PDAP1: variants seen among roughly 807,000 people sequenced by gnomAD.
The protein encoded by PDAP1 is PDGFA associated protein 1.
In PDAP1, 13 loss-of-function variants were observed where a neutral mutation model predicts 28.0. The observed-to-expected ratio is 0.46, with a 90% CI of 0.30 to 0.74. The LOEUF (loss-of-function observed/expected upper bound fraction) is 0.74, where lower values mean the gene tolerates loss of function less well. PDAP1 is among the 30% of genes least tolerant of loss of function. The probability of loss-of-function intolerance (pLI) is 0.07; values close to 1 mark genes in which losing one functional copy is unlikely to be tolerated. For missense variants in PDAP1, 150 were observed against 230.0 expected (o/e 0.65, Z 2.25); for synonymous variants, 77 against 85.1 (o/e 0.91, Z 0.52).
intron 3 of PDAP1, among the ~76,000 whole-genome samples, chr7:99,401,506 G>A (rs1353158980): frequency 6.6e-6 from 1 of 151,864 alleles, no homozygotes; most frequent in African/African-American, 2.4e-5. Flanking sequence ...TGTATTTTTA[G>A]TAGAGACAGG....
In PDAP1 at chr7:99,402,422, T is replaced by C. The variant is rs551828275; in HGVS notation, c.213+976A>G. Among the ~76,000 whole-genome samples the C allele has an allele frequency of 5.3e-5, 8 of 151,142 alleles. No individual in the cohort carries two copies. The East Asian group carries it at 1.4e-3, about 26-fold the overall frequency. On this transcript the variant is annotated intron_variant, in intron 3 of 5. Transcript: ENST00000350498. ...GGAGTTGGAGACCACCTGGGCAATA[T>C]AGTGAGATCCCTATCTCTACAAAAA... is the stretch of plus-strand genomic sequence containing the variant.
In PDAP1 at chr7:99,394,791, A is replaced by AG; in HGVS notation, c.*1890_*1891insC. On this transcript the variant is annotated 3_prime_UTR_variant, in exon 6 of 6. Coordinates refer to ENST00000350498, the MANE Select transcript of PDAP1 (RefSeq NM_014891.7). Reference sequence around the variant, plus strand: ...AAATGCAACTGTGTAAAAAAAAAAAAAAAAAAAAAAGTAATTATGGACATG... The same window carrying AG: ...AAATGCAACTGTGTAAAAAAAAAAAAGAAAAAAAAAAGTAATTATGGACATG... 8.1e-7 allele frequency: 1 copy of AG among 1,233,870 alleles called. No homozygotes were observed. The highest frequency in any genetic ancestry group is 1.6e-5 in the African/African-American group (1 of 64,222). 76.4% of individuals were successfully genotyped at this position (1,233,870 alleles called of 1,614,324 possible).
intron 4 of PDAP1, among the ~76,000 whole-genome samples, chr7:99,398,395 C>A (rs1291244343): frequency 6.6e-6 from 1 of 152,150 alleles, no homozygotes; most frequent in African/African-American, 2.4e-5. Context: ...GGACCACATC[C>A]TACAAGGAAG....
chr7:99,403,287 G>C (rs1011395375), intron 3 of PDAP1, 111 bp downstream of exon 3: 7 of 693,212 alleles, frequency 1.0e-5, no homozygotes, highest in African/African-American at 1.8e-5. Flanking sequence ...AAACCCTCAA[G>C]AGCAAGGACG....
At chr7:99,405,671 C>A (rs1444488365) in intron 1 of PDAP1, among the ~76,000 whole-genome samples, 1 of 152,122 alleles carries the variant, frequency 6.6e-6, no homozygotes, top group African/African-American at 2.4e-5. Context: ...CAGCCAGGGG[C>A]ACAGTTGATC....
intron 2 of PDAP1, 103 bp from the exon 3 acceptor site, chr7:99,403,608 T>G (rs767153913): frequency 1.5e-4 from 123 of 826,778 alleles, no homozygotes; most frequent in Non-Finnish European, 2.2e-4. Flanking sequence ...AAATCAAGCC[T>G]CTGGAAGGCT....
intron 2 of PDAP1, among the ~76,000 whole-genome samples, chr7:99,403,906 G>T (rs1794923611): frequency 6.6e-6 from 1 of 152,082 alleles, no homozygotes; most frequent in African/African-American, 2.4e-5. Flanking sequence ...AAATCATGCT[G>T]GCATTCCCAG....
At position 99,394,714 on chromosome 7, in the gene PDAP1, GC is replaced by G; in HGVS notation, c.*1967del. 7.8e-7 allele frequency: 1 copy of G among 1,281,850 alleles called. No individual in the cohort carries two copies. The highest frequency in any genetic ancestry group is 9.7e-7 in the Non-Finnish European group (1 of 1,032,998). 79.4% of individuals were successfully genotyped at this position (1,281,850 alleles called of 1,614,324 possible). A position where few individuals can be genotyped will look rare whatever the true frequency, so the allele number is the denominator to read the frequency against. On this transcript the variant is annotated 3_prime_UTR_variant, in exon 6 of 6. Transcript: ENST00000350498. ...TCATTTATTGAAAAAAAAAAAAAAT[GC>G]CCCCAAAGCACTATGCTGGTCATGA...
Position 99,394,900 on chromosome 7 carries a change from C to A in PDAP1, c.*1782G>T. On this transcript the variant is annotated 3_prime_UTR_variant, in exon 6 of 6. Transcript: ENST00000350498. ...CAGGCTGCACTAGAACTCGTGGGAG[C>A]AATCCTTCTGCCTCAGCCTCCCAAG... 9.7e-7 allele frequency: 1 copy of A among 1,031,034 alleles called. No homozygotes were observed. The highest frequency in any genetic ancestry group is 1.2e-6 in the Non-Finnish European group (1 of 813,692). The allele number at this position is 1,031,034 out of a possible 1,614,324, so 63.9% of individuals were successfully genotyped here.
chr7:99,398,085 TA>T, intron 4 of PDAP1, 72 bp from the exon 5 acceptor site: 1 of 1,573,044 alleles, frequency 6.4e-7, no homozygotes, highest in Non-Finnish European at 8.7e-7. Context: ...GGAGTCAGAA[TA>T]AAGGCCAAGG....
intron 1 of PDAP1, chr7:99,406,455 T>C (rs565893890): frequency 1.7e-5 from 9 of 523,790 alleles, no homozygotes; most frequent in Admixed American, 6.4e-5. Flanking sequence ...GCAAAAACTT[T>C]GTGCTTAGAC....
intron 3 of PDAP1, among the ~76,000 whole-genome samples, chr7:99,403,060 G>A (rs1424695515): frequency 1.3e-5 from 2 of 151,966 alleles, no homozygotes; most frequent in African/African-American, 4.8e-5. Flanking sequence ...CCCACCACAG[G>A]ACCTTTGCAC....
chr7:99,398,018 G>A lies in PDAP1; in HGVS notation c.336-5C>T. 6.2e-7 allele frequency: 1 copy of A among 1,614,088 alleles called. No individual in the cohort carries two copies. The highest frequency in any genetic ancestry group is 1.3e-5 in the African/African-American group (1 of 75,074). ...TTCTGCTTCTCAATCTCTTCTCTGT[G>A]TGGATAAAATGGTGTCATGGGGACA... On this transcript the variant is annotated splice_region_variant and splice_polypyrimidine_tract_variant and intron_variant, in intron 4 of 5. Coordinates refer to ENST00000350498, the MANE Select transcript of PDAP1 (RefSeq NM_014891.7).
In PDAP1 at chr7:99,396,748, G is replaced by A. The variant is rs770072708; in HGVS notation, c.488-8C>T. 5 of 1,611,032 alleles carry A rather than the reference G, an allele frequency of 3.1e-6. No homozygotes were observed. The South Asian group carries it at 5.5e-5, about 18-fold the overall frequency. On this transcript the variant is annotated splice_region_variant and splice_polypyrimidine_tract_variant and intron_variant, in intron 5 of 5. Transcript: ENST00000350498. Reference sequence around the variant, plus strand: ...ATGTGGCATCGTCTTTTGCTGAGGGGTGGGAGAAGGGCAGGGGTTAAAACA... The same window carrying A: ...ATGTGGCATCGTCTTTTGCTGAGGGATGGGAGAAGGGCAGGGGTTAAAACA...
At chr7:99,404,738 C>T (rs970462617) in intron 2 of PDAP1, 124 bp downstream of exon 2, 12 of 673,324 alleles carry the variant, frequency 1.8e-5, no homozygotes, top group East Asian at 2.7e-5. Context: ...GCTCACTGCC[C>T]GCCCGACCCC....
In PDAP1 at chr7:99,397,915, A is replaced by C; in HGVS notation, c.434T>G (p.Ile145Ser). The C allele has an allele frequency of 6.2e-7, 1 of 1,614,004 alleles. No individual in the cohort carries two copies. Among genetic ancestry groups the C allele is most frequent in the South Asian group, 1.1e-5 (1 of 91,076 alleles). ...QAKADLARLA[I>S]IRKQREEAAR... is the part of the protein sequence containing the mutation. ...AGCCTCCTCCCGCTGTTTCCGGATGATGGCCAGCCGGGCCAGGTCAGCCTT... is the reference window on the plus strand; with the variant it reads ...AGCCTCCTCCCGCTGTTTCCGGATGCTGGCCAGCCGGGCCAGGTCAGCCTT... Residue 145 changes from isoleucine to serine, a missense_variant, in exon 5 of 6, where the codon ATC (isoleucine) becomes AGC (serine). By Grantham distance (142) the Ile-to-Ser change is moderately radical. Coordinates refer to ENST00000350498, the MANE Select transcript of PDAP1 (RefSeq NM_014891.7).
rs3779212 is a variant in PDAP1 at position 99,399,611 on chromosome 7, A to G, written c.335+692T>C. 2.8e-3 allele frequency among the ~76,000 whole-genome samples: 424 copies of G among 152,272 alleles called. 7 individuals carry two copies. In the East Asian group the frequency reaches 0.077, roughly 28 times the overall value. On this transcript the variant is annotated intron_variant, in intron 4 of 5. Transcript: ENST00000350498. Reference sequence around the variant, plus strand: ...AGAAGGGTCCTTAGCAGCTGCAATCACACCCAAGCTCATGGCCTTCCCCAC... The same window carrying G: ...AGAAGGGTCCTTAGCAGCTGCAATCGCACCCAAGCTCATGGCCTTCCCCAC...
Position 99,396,519 on chromosome 7 carries a change from C to T in PDAP1, c.*163G>A. Reference sequence around the variant, plus strand: ...CTCCCCCAGTCCCCCCCCCCATCCCCCAAACAATTTCTGTGCCAAGATGAA... The same window carrying T: ...CTCCCCCAGTCCCCCCCCCCATCCCTCAAACAATTTCTGTGCCAAGATGAA... On this transcript the variant is annotated 3_prime_UTR_variant, in exon 6 of 6. Coordinates refer to ENST00000350498, the MANE Select transcript of PDAP1 (RefSeq NM_014891.7). The T allele has an allele frequency of 3.3e-6, 2 of 603,998 alleles. No individual in the cohort carries two copies. The highest frequency in any genetic ancestry group is 3.2e-5 in the South Asian group (2 of 62,734). The allele number at this position is 603,998 out of a possible 1,614,324, so 37.4% of individuals were successfully genotyped here. A position where few individuals can be genotyped will look rare whatever the true frequency, so the allele number is the denominator to read the frequency against.
At chr7:99,402,163 A>G (rs2150905796) in intron 3 of PDAP1, among the ~76,000 whole-genome samples, 1 of 141,936 alleles carries the variant, frequency 7.0e-6, no homozygotes, top group East Asian at 2.2e-4. Context: ...CGGGAGGCGG[A>G]GCTTGCAGTG....
Sources: allele counts gnomAD v4.1 joint callset (sites outside exome capture counted in the v4.1 genomes callset), GRCh38; gene constraint gnomAD v4.1.1; transcripts MANE v1.5; gene names NCBI Gene and HGNC (gene_info 2026-07-23, HGNC 2026-07-21).